PRDM16: variants seen among roughly 807,000 people sequenced by gnomAD.
The protein encoded by PRDM16 is PR/SET domain 16, also known as histone-lysine N-methyltransferase PRDM16.
Under a neutral mutation model 110.6 loss-of-function variants are expected in PRDM16, and 23 were observed. That is an observed-to-expected ratio of 0.21 (90% confidence interval 0.15 to 0.29). The LOEUF (loss-of-function observed/expected upper bound fraction) is 0.29, where lower values mean the gene tolerates loss of function less well. Ranked by LOEUF, PRDM16 falls within the 10% of genes least tolerant of loss-of-function variation. PRDM16 has a pLI of 1.00. For synonymous variants in PRDM16, 799 were observed against 781.8 expected (o/e 1.02, Z -0.37); for missense variants, 1,615 against 1,794.3 (o/e 0.90, Z 1.81).
At chr1:3,355,359 G>T (rs927904443) in intron 3 of PRDM16, among the ~76,000 whole-genome samples, 5 of 152,082 alleles carry the variant, frequency 3.3e-5, no homozygotes, top group African/African-American at 1.2e-4. Context: ...AATTAATTGC[G>T]CCTGCTCTTC....
intron 1 of PRDM16, among the ~76,000 whole-genome samples, chr1:3,123,980 G>C (rs762165996): frequency 6.6e-6 from 1 of 152,242 alleles, no homozygotes; most frequent in Non-Finnish European, 1.5e-5. Context: ...ACCCCACGCC[G>C]TATGGTGGGC....
At chr1:3,241,349 C>G (rs974576155) in intron 2 of PRDM16, among the ~76,000 whole-genome samples, 1 of 152,248 alleles carries the variant, frequency 6.6e-6, no homozygotes, top group African/African-American at 2.4e-5. Context: ...CCGGGGTGAC[C>G]ACAGTCCTCA....
At chr1:3,174,736 C>T (rs1644065969) in intron 1 of PRDM16, among the ~76,000 whole-genome samples, 1 of 152,144 alleles carries the variant, frequency 6.6e-6, no homozygotes, top group Non-Finnish European at 1.5e-5. Context: ...GGCTGGGAGC[C>T]TGTCTCTGAG....
At chr1:3,227,781 T>C (rs1218200675) in intron 2 of PRDM16, among the ~76,000 whole-genome samples, 3 of 152,214 alleles carry the variant, frequency 2.0e-5, no homozygotes, top group African/African-American at 7.2e-5. Context: ...GAAGAGCTTC[T>C]TGCAGGGGGT....
At chr1:3,325,522 G>T (rs1170104017) in intron 3 of PRDM16, among the ~76,000 whole-genome samples, 2 of 152,194 alleles carry the variant, frequency 1.3e-5, no homozygotes, top group South Asian at 2.1e-4. Context: ...CCCAGCAGGG[G>T]TGCCCTGGGC....
intron 3 of PRDM16, among the ~76,000 whole-genome samples, chr1:3,321,356 G>T (rs1042926328): frequency 6.7e-6 from 1 of 149,590 alleles, no homozygotes; most frequent in East Asian, 2.0e-4. Context: ...GTGTGGGTCT[G>T]TGTGTGACTA....
chr1:3,198,073 G>A (rs1638525332), intron 2 of PRDM16, among the ~76,000 whole-genome samples: 1 of 152,206 alleles, frequency 6.6e-6, no homozygotes, highest in African/African-American at 2.4e-5. Context: ...GGCCCGCTGA[G>A]GGGCAGCGAC....
chr1:3,246,167 C>T lies in PRDM16; in HGVS notation c.438+2030C>T, dbSNP rs150830478. On this transcript the variant is annotated intron_variant, in intron 3 of 16. Coordinates refer to ENST00000270722, the MANE Select transcript of PRDM16 (RefSeq NM_022114.4). This position sits in a 1 kb window ranked among gnomAD's most constrained non-coding sequence, Gnocchi z 5.2. ...CGCCGCCTTCTGTGCCTCTGGGCCA[C>T]GGTGGGTTTGCCTTTGTGTCTTATA... Among the ~76,000 whole-genome samples, 207 of 152,236 alleles carry T rather than the reference C, an allele frequency of 1.4e-3. No homozygotes were observed. Among genetic ancestry groups the T allele is most frequent in the African/African-American group, 4.8e-3 (200 of 41,550 alleles).
intron 1 of PRDM16, among the ~76,000 whole-genome samples, chr1:3,149,170 G>T (rs566144254): frequency 6.6e-6 from 1 of 152,328 alleles, no homozygotes; most frequent in South Asian, 2.1e-4. Context: ...GGGGCATGGA[G>T]CCTGGGCAAA....
chr1:3,303,163 T>C (rs1455724875), intron 3 of PRDM16, among the ~76,000 whole-genome samples: 1 of 152,134 alleles, frequency 6.6e-6, no homozygotes, highest in Non-Finnish European at 1.5e-5. Flanking sequence ...CACCACTGTC[T>C]AATCTTAGAG....
chr1:3,152,448 A>C (rs1233865595), intron 1 of PRDM16, among the ~76,000 whole-genome samples: 1 of 152,030 alleles, frequency 6.6e-6, no homozygotes, highest in Non-Finnish European at 1.5e-5. Flanking sequence ...TGGCTGTCTC[A>C]ACCTGCCAAG....
chr1:3,259,764 T>C (rs1320174230), intron 3 of PRDM16, among the ~76,000 whole-genome samples: 2 of 151,880 alleles, frequency 1.3e-5, no homozygotes, highest in Non-Finnish European at 2.9e-5. Flanking sequence ...GACTTCTGCG[T>C]GAGCCACCTC....
At chr1:3,216,029 A>C (rs1244059428) in intron 2 of PRDM16, among the ~76,000 whole-genome samples, 1 of 152,232 alleles carries the variant, frequency 6.6e-6, no homozygotes, top group Non-Finnish European at 1.5e-5. Context: ...ATGATAATTT[A>C]AATTATTCAT....
At position 3,232,102 on chromosome 1, in the gene PRDM16, C is replaced by T. The variant is rs909944180; in HGVS notation, c.388-11985C>T. On this transcript the variant is annotated intron_variant, in intron 2 of 16. Transcript: ENST00000270722. ...CAGCTGCGACCGACACCCAGGAGCT[C>T]GGGCCTCTGTGTGTTGTCCCTGCAA... Among the ~76,000 whole-genome samples the T allele has an allele frequency of 5.9e-5, 9 of 152,224 alleles. 1 individual carries two copies. Among genetic ancestry groups the T allele is most frequent in the African/African-American group, 9.6e-5 (4 of 41,458 alleles).
chr1:3,308,972 G>T (rs1429627635), intron 3 of PRDM16: 1 of 152,212 alleles, frequency 6.6e-6, no homozygotes, highest in African/African-American at 2.4e-5. Context: ...TCTGGAGTCC[G>T]CCAGGCCCGG....
intron 3 of PRDM16, among the ~76,000 whole-genome samples, chr1:3,267,215 C>T (rs1640315395): frequency 6.6e-6 from 1 of 152,228 alleles, no homozygotes; most frequent in Non-Finnish European, 1.5e-5. Flanking sequence ...AGTCTGTCTT[C>T]TCTCTTTCTG....
At chr1:3,239,949 G>C (rs1274402154) in intron 2 of PRDM16, among the ~76,000 whole-genome samples, 1 of 150,916 alleles carries the variant, frequency 6.6e-6, no homozygotes, top group Admixed American at 6.6e-5. Context: ...CGGGGAGAGA[G>C]AGAGAGAAGA....
At chr1:3,264,580 G>C (rs1253037878) in intron 3 of PRDM16, among the ~76,000 whole-genome samples, 1 of 137,418 alleles carries the variant, frequency 7.3e-6, no homozygotes, top group Non-Finnish European at 1.6e-5. Context: ...TGAGGACCCC[G>C]GGCCAGGAGG....
At chr1:3,302,686 A>G (rs1316074917) in intron 3 of PRDM16, among the ~76,000 whole-genome samples, 2 of 152,188 alleles carry the variant, frequency 1.3e-5, no homozygotes, top group Non-Finnish European at 2.9e-5. Context: ...TGCAGACAAC[A>G]CTTTAGCACT....
Sources: gnomAD v4.1 joint callset for allele counts (sites outside exome capture counted in the v4.1 genomes callset) on GRCh38, gnomAD v4.1.1 for gene constraint, Gnocchi (gnomAD v3.1) non-coding constraint, MANE v1.5 for transcripts, NCBI Gene and HGNC (gene_info 2026-07-23, HGNC 2026-07-21) for gene names.